The following FRMD4A variants were observed in gnomAD, a reference collection of about 807,000 sequenced individuals.
FRMD4A encodes FERM domain-containing protein 4A.
A neutral mutation model predicts 129.1 loss-of-function variants in FRMD4A; 29 were observed. The ratio of observed to expected loss-of-function variants is 0.22; its 90% CI spans 0.17 to 0.31. The LOEUF is 0.31. Ranked by LOEUF, FRMD4A falls within the 10% of genes least tolerant of loss-of-function variation. FRMD4A has a pLI of 1.00. For missense variants in FRMD4A, 1,272 were observed against 1,375.8 expected (o/e 0.92, Z 1.19); for synonymous variants, 634 against 571.6 (o/e 1.11, Z -1.56).
chr10:14,018,018 C>T (rs1308508944), intron 2 of FRMD4A, among the ~76,000 whole-genome samples: 1 of 152,188 alleles, frequency 6.6e-6, no homozygotes, highest in Non-Finnish European at 1.5e-5. Flanking sequence ...GGGATTCTAA[C>T]TGCTCTTGCT....
intron 22 of FRMD4A, among the ~76,000 whole-genome samples, chr10:13,656,287 A>G (rs1347549692): frequency 6.6e-6 from 1 of 152,214 alleles, no homozygotes; most frequent in Non-Finnish European, 1.5e-5. Context: ...TCACTAGGGT[A>G]AAAGACACCT....
intron 2 of FRMD4A, among the ~76,000 whole-genome samples, chr10:14,043,251 T>A (rs1339365055): frequency 6.6e-6 from 1 of 152,190 alleles, no homozygotes; most frequent in Non-Finnish European, 1.5e-5. Flanking sequence ...TCTGAGGGAT[T>A]TTTTTATGAG....
chr10:14,096,602 A>G (rs1457662669), intron 2 of FRMD4A, among the ~76,000 whole-genome samples: 1 of 152,198 alleles, frequency 6.6e-6, no homozygotes, highest in Non-Finnish European at 1.5e-5. Flanking sequence ...CCCCAAAGTT[A>G]CAAAACATAA....
At chr10:14,275,996 C>T (rs1304718587) in intron 2 of FRMD4A, among the ~76,000 whole-genome samples, 1 of 152,132 alleles carries the variant, frequency 6.6e-6, no homozygotes. Context: ...TATGAATGTG[C>T]CACTGCTCTC....
chr10:13,654,456 G>T lies in FRMD4A; in HGVS notation c.3010C>A (p.Pro1004Thr). ...STPSSEIGAT[P>T]PSSPHHILTW... is the part of the protein sequence containing the mutation. ...AGGATGTGGTGGGGGCTGCTTGGGG[G>T]GGTGGCTCCAATTTCACTTGACGGT... Residue 1004 changes from proline (P) to threonine (T), a missense_variant, in exon 23 of 25, where the codon CCC becomes ACC. By Grantham distance (38) the Pro-to-Thr change is conservative (BLOSUM62 -1). Transcript: ENST00000357447. 6.2e-7 allele frequency: 1 copy of T among 1,613,646 alleles called. No individual in the cohort carries two copies. Among genetic ancestry groups the T allele is most frequent in the South Asian group, 1.1e-5 (1 of 91,054 alleles).
Position 14,013,298 on chromosome 10 carries a change from G to C in FRMD4A, c.46-154386C>G, listed in dbSNP as rs370113783. ...AGCGGGCTCTTTCTCAGTGTCGTTTGAGGGCTCCAGGCAATAGATGGCAAC... is the reference window on the plus strand; with the variant it reads ...AGCGGGCTCTTTCTCAGTGTCGTTTCAGGGCTCCAGGCAATAGATGGCAAC... On this transcript the variant is annotated intron_variant, in intron 2 of 24. Coordinates refer to ENST00000357447, the MANE Select transcript of FRMD4A (RefSeq NM_018027.5). Among the ~76,000 whole-genome samples, 503 of 152,216 alleles carry C rather than the reference G, an allele frequency of 3.3e-3. 1 individual carries two copies. Among genetic ancestry groups the C allele is most frequent in the African/African-American group, 0.012 (480 of 41,546 alleles).
At chr10:14,276,501 C>A (rs1157663950) in intron 2 of FRMD4A, among the ~76,000 whole-genome samples, 1 of 152,326 alleles carries the variant, frequency 6.6e-6, no homozygotes, top group Non-Finnish European at 1.5e-5. Flanking sequence ...AATGAAAAGG[C>A]CCCAGTCATG....
chr10:13,651,169 G>GGGAGACTA (rs2081547304), intron 24 of FRMD4A: 5 of 152,188 alleles, frequency 3.3e-5, no homozygotes, highest in Non-Finnish European at 7.3e-5. Flanking sequence ...GGTGGTGCCC[G>GGGAGACTA]GGAGACTAGC....
intron 3 of FRMD4A, among the ~76,000 whole-genome samples, chr10:13,841,099 C>T (rs1030720702): frequency 6.6e-6 from 1 of 152,068 alleles, no homozygotes; most frequent in Non-Finnish European, 1.5e-5. Context: ...CAGAGTGAGA[C>T]CCCCATCTAA....
At chr10:14,116,587 C>G (rs1307907011) in intron 2 of FRMD4A, among the ~76,000 whole-genome samples, 1 of 152,142 alleles carries the variant, frequency 6.6e-6, no homozygotes, top group Non-Finnish European at 1.5e-5. Context: ...ATCACAGGGT[C>G]TGGGGGCTAA....
chr10:13,853,789 A>T (rs1386862143), intron 3 of FRMD4A, among the ~76,000 whole-genome samples: 1 of 137,662 alleles, frequency 7.3e-6, no homozygotes, highest in African/African-American at 2.7e-5. Context: ...CCAAGATTGC[A>T]CCACTGCACT....
At chr10:14,017,097 T>A (rs747639961) in intron 2 of FRMD4A, among the ~76,000 whole-genome samples, 27 of 152,250 alleles carry the variant, frequency 1.8e-4, no homozygotes, top group Admixed American at 5.9e-4. Context: ...CATCAGTGGC[T>A]ATAGCCTGGC....
chr10:13,820,884 G>C (rs545948240), intron 3 of FRMD4A, among the ~76,000 whole-genome samples: 2 of 152,400 alleles, frequency 1.3e-5, no homozygotes, highest in South Asian at 4.1e-4. Flanking sequence ...GACAGGGGCT[G>C]TCTGGGAGTG....
In FRMD4A at chr10:13,717,692, G is replaced by GTTT. The variant is rs35059886; in HGVS notation, c.760-10582_760-10580dup. Among the ~76,000 whole-genome samples, 721 of 95,238 alleles carry GTTT rather than the reference G, an allele frequency of 7.6e-3. 41 individuals are homozygous for GTTT. The East Asian group carries it at 0.11, about 14-fold the overall frequency. 62.5% of individuals were successfully genotyped at this position (95,238 alleles called of 152,430 possible). On this transcript the variant is annotated intron_variant, in intron 12 of 24. Coordinates refer to ENST00000357447, the MANE Select transcript of FRMD4A (RefSeq NM_018027.5). ...CTTTAGGGAGAAACCTGTTGTTCTT[G>GTTT]TTTTTTTTTTTTTTTTTTCCAGGGG... is the stretch of plus-strand genomic sequence containing the variant.
Position 13,824,722 on chromosome 10 carries a change from G to A in FRMD4A, c.112-13814C>T, listed in dbSNP as rs1024201362. Among the ~76,000 whole-genome samples the A allele has an allele frequency of 3.3e-5, 5 of 151,508 alleles. No homozygotes were observed. In the South Asian group the frequency reaches 6.3e-4, roughly 19 times the overall value. The stretch of plus-strand genomic sequence containing the variant: ...AGCCTGACCAAAATGGGGAAACCCC[G>A]TCTCTACTAAAAATACAAAAAAATT... On this transcript the variant is annotated intron_variant, in intron 3 of 24. Coordinates refer to ENST00000357447, the MANE Select transcript of FRMD4A (RefSeq NM_018027.5).
intron 2 of FRMD4A, among the ~76,000 whole-genome samples, chr10:14,056,816 A>G (rs564800201): frequency 6.6e-6 from 1 of 152,198 alleles, no homozygotes; most frequent in Non-Finnish European, 1.5e-5. Context: ...CTAGGGAGAG[A>G]AACGAGCTTG....
chr10:13,679,422 G>C, intron 15 of FRMD4A, among the ~76,000 whole-genome samples: 1 of 55,040 alleles, frequency 1.8e-5, no homozygotes, highest in Non-Finnish European at 3.0e-5. Context: ...GTGAGACTCT[G>C]TCTCAAAAAA....
intron 12 of FRMD4A, among the ~76,000 whole-genome samples, chr10:13,728,570 A>ATTTTTTTTTTTTTTTTTTTTTTTT (rs1386167455): frequency 3.5e-5 from 1 of 28,664 alleles, no homozygotes; most frequent in African/African-American, 8.4e-5. Context: ...GGTGATTACC[A>ATTTTTTTTTTTTTTTTTTTTTTTT]TTCTTTTTTT....
intron 2 of FRMD4A, among the ~76,000 whole-genome samples, chr10:14,112,266 G>A (rs1837951350): frequency 6.6e-6 from 1 of 152,074 alleles, no homozygotes. Flanking sequence ...AAGTAATTAG[G>A]AGCTGTGTAG....
Sources: allele counts gnomAD v4.1 joint callset (sites outside exome capture counted in the v4.1 genomes callset), GRCh38; gene constraint gnomAD v4.1.1; transcripts MANE v1.5; gene names NCBI Gene and HGNC (gene_info 2026-07-23, HGNC 2026-07-21).